Variants in SH3GL1 observed in about 807,000 individuals in gnomAD.
The protein encoded by SH3GL1 is SH3 domain containing GRB2 like 1, endophilin A2.
In SH3GL1, 21 loss-of-function variants were observed where a neutral mutation model predicts 48.8. The observed-to-expected ratio is 0.43, with a 90% CI of 0.30 to 0.62. The LOEUF (loss-of-function observed/expected upper bound fraction) is 0.62. Among genes scored for constraint, SH3GL1 ranks in the 20% least tolerant of loss-of-function variants. The pLI is 0.11. For synonymous variants in SH3GL1, 282 were observed against 217.5 expected, an observed-to-expected ratio of 1.30 and a Z score of -2.61; for missense variants, 454 against 503.0, an observed-to-expected ratio of 0.90 and a Z score of 0.93.
At chr19:4,374,984 C>T (rs901989048) in intron 1 of SH3GL1, among the ~76,000 whole-genome samples, 5 of 152,184 alleles carry the variant, frequency 3.3e-5, no homozygotes, top group African/African-American at 4.8e-5. Flanking sequence ...GACCTGGGCT[C>T]GGCTCTAATG....
intron 1 of SH3GL1, among the ~76,000 whole-genome samples, chr19:4,386,403 C>T (rs890968705): frequency 1.3e-5 from 2 of 151,954 alleles, no homozygotes; most frequent in African/African-American, 2.4e-5. Flanking sequence ...GTTCTGCTTC[C>T]AGCACGCAGG....
At chr19:4,373,849 C>T (rs939452021) in intron 1 of SH3GL1, among the ~76,000 whole-genome samples, 4 of 152,210 alleles carry the variant, frequency 2.6e-5, no homozygotes, top group Non-Finnish European at 5.9e-5. Context: ...GGCTGGGTGC[C>T]ATGGTAGGGA....
intron 7 of SH3GL1, among the ~76,000 whole-genome samples, chr19:4,363,144 G>A (rs1001926865): frequency 6.6e-6 from 1 of 152,192 alleles, no homozygotes; most frequent in African/African-American, 2.4e-5. Context: ...CAGGGAGGGA[G>A]TCCCCGGGGC....
At chr19:4,397,630 T>C (rs1369663937) in intron 1 of SH3GL1, among the ~76,000 whole-genome samples, 1 of 152,162 alleles carries the variant, frequency 6.6e-6, no homozygotes, top group Non-Finnish European at 1.5e-5. Flanking sequence ...TATGGTGCTC[T>C]AACCAAGCAG....
At position 4,400,346 on chromosome 19, in the gene SH3GL1, T is replaced by C. The variant is rs1973500921; in HGVS notation, c.23A>G (p.Lys8Arg). 1.9e-6 allele frequency: 3 copies of C among 1,595,172 alleles called. No homozygotes were observed. The highest frequency in any genetic ancestry group is 2.6e-6 in the Non-Finnish European group (3 of 1,174,424). The change falls in exon 1 of 10, where the codon AAG (lysine) becomes AGG (arginine). Residue 8 changes from lysine to arginine, a missense_variant. Coordinates refer to ENST00000269886, the MANE Select transcript of SH3GL1 (RefSeq NM_003025.4). The surrounding 1 kb of genome is among the most constrained non-coding windows in gnomAD (Gnocchi z 4.1). Reference sequence around the variant, plus strand: ...CACCTGGCTCGCCTTGTAGAACTGCTTCTTCAGCCCCGCCACCGACATGCT... The same window carrying C: ...CACCTGGCTCGCCTTGTAGAACTGCCTCTTCAGCCCCGCCACCGACATGCT... MSVAGLKKQFYKASQLVS... is the reference protein window; with the variant it reads MSVAGLKRQFYKASQLVS...
chr19:4,365,746 A>G (rs777544129), intron 3 of SH3GL1, 121 bp from the exon 4 acceptor site: 2 of 1,370,928 alleles, frequency 1.5e-6, no homozygotes, highest in African/African-American at 1.4e-5. Flanking sequence ...AGCCTAGGCC[A>G]CACAAAGCAC....
rs774932480 is a variant in SH3GL1 at position 4,361,436 on chromosome 19, C to A, written c.*164G>T. On this transcript the variant is annotated 3_prime_UTR_variant, in exon 10 of 10. Transcript: ENST00000269886. ...CACCCACCCAGATAAGCCCCCCCAC[C>A]CAAGTGTGGGGTCCTGCTCAGGGAG... 1.6e-4 allele frequency: 98 copies of A among 603,542 alleles called. No homozygotes were observed. Among genetic ancestry groups the A allele is most frequent in the Non-Finnish European group, 2.7e-4 (92 of 342,164 alleles). The allele number at this position is 603,542 out of a possible 1,614,324, so 37.4% of individuals were successfully genotyped here.
chr19:4,371,010 G>C (rs941143805), intron 1 of SH3GL1, among the ~76,000 whole-genome samples: 1 of 152,242 alleles, frequency 6.6e-6, no homozygotes. Flanking sequence ...ATGCCGCATG[G>C]ATTTTCTGCC....
At chr19:4,396,493 T>TA (rs1973427493) in intron 1 of SH3GL1, among the ~76,000 whole-genome samples, 2 of 152,070 alleles carry the variant, frequency 1.3e-5, no homozygotes. Context: ...ATTTTACTTT[T>TA]TTTTTTTTTG....
intron 1 of SH3GL1, among the ~76,000 whole-genome samples, chr19:4,383,953 AT>A (rs950209568): frequency 2.0e-4 from 30 of 152,258 alleles, no homozygotes; most frequent in African/African-American, 6.5e-4. Flanking sequence ...TGGGTGACAG[AT>A]TTTTTGCTGC....
intron 1 of SH3GL1, among the ~76,000 whole-genome samples, chr19:4,396,414 A>G (rs190666194): frequency 1.3e-5 from 2 of 152,296 alleles, no homozygotes; most frequent in Admixed American, 1.3e-4. Flanking sequence ...ACAAACAAAC[A>G]AACAAAAACA....
In SH3GL1 at chr19:4,361,651, C is replaced by T. The variant is rs534214854; in HGVS notation, c.1056G>A (p.Ser352=). ...CCACGTAGCTGAGCGGGAAGAAGCC[C>T]GACTGGCCGTCCAGCATGCCCTCGT... ...NWYEGMLDGQ[S]GFFPLSYVEV... is the part of the protein sequence containing the mutation. The change falls in exon 10 of 10, where the codon TCG becomes TCA. Residue 352 remains serine (S), a synonymous_variant. Transcript: ENST00000269886. The T allele has an allele frequency of 5.6e-5, 91 of 1,610,750 alleles. 1 individual carries two copies. The highest frequency in any genetic ancestry group is 3.8e-4 in the East Asian group (17 of 44,874).
intron 1 of SH3GL1, among the ~76,000 whole-genome samples, chr19:4,385,744 A>G (rs1973223799): frequency 6.6e-6 from 1 of 152,198 alleles, no homozygotes; most frequent in African/African-American, 2.4e-5. Flanking sequence ...GTGGGAGAAC[A>G]CTGGAAAAAT....
intron 7 of SH3GL1, 146 bp downstream of exon 7, chr19:4,363,224 C>T: frequency 1.4e-6 from 1 of 693,708 alleles, no homozygotes; most frequent in Non-Finnish European, 2.5e-6. Context: ...CTCGCGGCCC[C>T]CCAGGCCTTT....
intron 1 of SH3GL1, among the ~76,000 whole-genome samples, chr19:4,398,372 C>T (rs1973460530): frequency 6.6e-6 from 1 of 151,792 alleles, no homozygotes; most frequent in East Asian, 1.9e-4. Context: ...ATTCAACAAT[C>T]TGAGGCTTCT....
chr19:4,360,474 G>A lies in SH3GL1; in HGVS notation c.*1126C>T, dbSNP rs1187036719. 1 of 234,300 alleles carries A rather than the reference G, an allele frequency of 4.3e-6. No homozygotes were observed. The highest frequency in any genetic ancestry group is 8.4e-6 in the Non-Finnish European group (1 of 118,844). 14.5% of individuals were successfully genotyped at this position (234,300 alleles called of 1,614,324 possible). ...GTGTGCTCATCTCTGCGCCCCTCAT[G>A]TACTTCTGACGAGGGGGGTGCAGGG... On this transcript the variant is annotated 3_prime_UTR_variant, in exon 10 of 10. Transcript: ENST00000269886.
chr19:4,369,455 C>A (rs1972852419), intron 1 of SH3GL1, among the ~76,000 whole-genome samples: 1 of 152,224 alleles, frequency 6.6e-6, no homozygotes, highest in Non-Finnish European at 1.5e-5. Context: ...CCTGCCCAGG[C>A]AGGACCCAGT....
intron 1 of SH3GL1, among the ~76,000 whole-genome samples, chr19:4,396,376 G>C (rs1973425379): frequency 6.6e-6 from 1 of 152,186 alleles, no homozygotes; most frequent in Admixed American, 6.5e-5. Context: ...TCCAGCCTGG[G>C]CAACAAGAGA....
chr19:4,361,818 G>T (rs753233298), intron 9 of SH3GL1, 22 bp from the exon 10 acceptor site: 3 of 1,550,252 alleles, frequency 1.9e-6, no homozygotes, highest in Non-Finnish European at 2.6e-6. Flanking sequence ...AGCGGGCTGT[G>T]GGGCTGGGGC....
Sources: allele counts gnomAD v4.1 joint callset (sites outside exome capture counted in the v4.1 genomes callset), GRCh38; gene constraint gnomAD v4.1.1; non-coding constraint Gnocchi (gnomAD v3.1); transcripts MANE v1.5; gene names NCBI Gene and HGNC (gene_info 2026-07-23, HGNC 2026-07-21).